Variants in HSPG2 observed in about 807,000 individuals in gnomAD.
HSPG2 encodes basement membrane-specific heparan sulfate proteoglycan core protein.
A neutral mutation model predicts 526.6 loss-of-function variants in HSPG2; 278 were observed. That is an observed-to-expected ratio of 0.53 (90% confidence interval 0.48 to 0.58). The LOEUF (loss-of-function observed/expected upper bound fraction) is 0.58, where lower values mean the gene tolerates loss of function less well. HSPG2 is among the 20% of genes least tolerant of loss of function. The probability of loss-of-function intolerance (pLI) is 0.00; values close to 1 mark genes in which losing one functional copy is unlikely to be tolerated. For synonymous variants in HSPG2, 2,465 were observed against 2,555.4 expected (o/e 0.96, Z 1.07); for missense variants, 5,354 against 6,099.5 (o/e 0.88, Z 4.07).
intron 75 of HSPG2, 68 bp from the exon 76 acceptor site, chr1:21,835,705 TGGGC>T: frequency 8.2e-7 from 1 of 1,214,854 alleles, no homozygotes. Context: ...GCAATTGGGC[TGGGC>T]GTGGTGGCTC....
rs1427600322 is a variant in HSPG2 at position 21,912,904 on chromosome 1, C to T, written c.64-16594G>A. Among the ~76,000 whole-genome samples the T allele has an allele frequency of 6.6e-5, 10 of 151,336 alleles. 1 individual carries two copies. The highest frequency in any genetic ancestry group is 2.4e-4 in the African/African-American group (10 of 41,104). ...CTGAGGCAGGAGAATCACTTGAACC[C>T]GGGAGGCGGAGGTTGCAGTGAGCTG... On this transcript the variant is annotated intron_variant, in intron 1 of 96. Coordinates refer to ENST00000374695, the MANE Select transcript of HSPG2 (RefSeq NM_005529.7).
intron 13 of HSPG2, among the ~76,000 whole-genome samples, chr1:21,884,184 AC>A (rs1023716967): frequency 6.6e-6 from 1 of 151,704 alleles, no homozygotes; most frequent in African/African-American, 2.4e-5. Context: ...ATTATTCCAC[AC>A]CCCCCGACTT....
Position 21,862,107 on chromosome 1 carries a change from C to T in HSPG2, c.4749G>A (p.Gln1583=), listed in dbSNP as rs773098995. 1.9e-5 allele frequency: 30 copies of T among 1,612,650 alleles called. No homozygotes were observed. In the Admixed American group the frequency reaches 2.2e-4, roughly 12 times the overall value. The part of the protein sequence containing the change: ...HPETGACSQC[Q]HNAAGEFCEL... ...CGCAGAACTCCCCTGCGGCGTTGTG[C>T]TGGCATTGCTGCAGGGCACAAGGAG... The change falls in exon 38 of 97, where the codon CAG becomes CAA. Residue 1583 remains glutamine, a synonymous_variant. Transcript: ENST00000374695.
At chr1:21,874,329 G>A (rs1416558223) in intron 28 of HSPG2, 77 bp downstream of exon 28, 32 of 1,576,556 alleles carry the variant, frequency 2.0e-5, no homozygotes, top group East Asian at 2.3e-5. Context: ...TCTCAGAAGG[G>A]CCCTGGATGA....
intron 13 of HSPG2, among the ~76,000 whole-genome samples, chr1:21,882,555 C>T (rs936861237): frequency 7.2e-5 from 11 of 152,076 alleles, no homozygotes; most frequent in South Asian, 4.2e-4. Context: ...CTCTTCATTA[C>T]GGTAGCTGTT....
chr1:21,925,917 C>T (rs1470731016), intron 1 of HSPG2, among the ~76,000 whole-genome samples: 2 of 151,952 alleles, frequency 1.3e-5, no homozygotes, highest in African/African-American at 2.4e-5. Flanking sequence ...GCAGCCTCCG[C>T]CTCCCGGGTT....
chr1:21,842,529 T>C, intron 67 of HSPG2, 149 bp from the exon 68 acceptor site: 2 of 1,057,912 alleles, frequency 1.9e-6, no homozygotes, highest in Non-Finnish European at 1.3e-6. Flanking sequence ...CACAGAATCC[T>C]AGAGGTCCAA....
At chr1:21,907,870 C>G (rs1364785315) in intron 1 of HSPG2, among the ~76,000 whole-genome samples, 1 of 152,186 alleles carries the variant, frequency 6.6e-6, no homozygotes, top group Non-Finnish European at 1.5e-5. Flanking sequence ...TGGTTCAGCC[C>G]TTGGTTAGCT....
At position 21,887,409 on chromosome 1, in the gene HSPG2, C is replaced by A; in HGVS notation, c.958+11G>T. 1 of 1,614,020 alleles carries A rather than the reference C, an allele frequency of 6.2e-7. No homozygotes were observed. Among genetic ancestry groups the A allele is most frequent in the East Asian group, 2.2e-5 (1 of 44,880 alleles). ...CTCCCCGCACCCACCTGCACCCCTG[C>A]CGGTGCGCACCACAGTCTAGCTCAT... On this transcript the variant is annotated intron_variant, in intron 8 of 96. Transcript: ENST00000374695. This position sits in a 1 kb window ranked among gnomAD's most constrained non-coding sequence, Gnocchi z 5.0.
At chr1:21,899,090 G>A (rs1211536211) in intron 1 of HSPG2, among the ~76,000 whole-genome samples, 1 of 152,210 alleles carries the variant, frequency 6.6e-6, no homozygotes, top group Non-Finnish European at 1.5e-5. Context: ...TCCACCAGAG[G>A]ACTCCAGAGC....
chr1:21,890,948 G>A lies in HSPG2; in HGVS notation c.245-254C>T, dbSNP rs569858757. Among the ~76,000 whole-genome samples, 1 of 152,246 alleles carries A rather than the reference G, an allele frequency of 6.6e-6. No individual in the cohort carries two copies. Among genetic ancestry groups the A allele is most frequent in the Non-Finnish European group, 1.5e-5 (1 of 68,042 alleles). ...CCTGATCCAGAAACCAAGTGCTAGT[G>A]CAAAAGAGGAGACCCCCACAGTTCA... On this transcript the variant is annotated intron_variant, in intron 3 of 96. Coordinates refer to ENST00000374695, the MANE Select transcript of HSPG2 (RefSeq NM_005529.7). This position sits in a 1 kb window ranked among gnomAD's most constrained non-coding sequence, Gnocchi z 4.1.
At position 21,855,389 on chromosome 1, in the gene HSPG2, C is replaced by T. The variant is rs747058298; in HGVS notation, c.5912G>A (p.Arg1971His). The change falls in exon 47 of 97, where the codon CGC becomes CAC. Residue 1971 changes from arginine (R) to histidine (H), a missense_variant. By Grantham distance (29) the Arg-to-His change is conservative. Transcript: ENST00000374695. ...SPERTQVHAG[R>H]TVRLYCRAAG... is the part of the protein sequence containing the mutation. Reference sequence around the variant, plus strand: ...AGCCCTGCAGTACAGCCTGACGGTGCGGCCTGCGTGGACCTGGGTCCTCTC... The same window carrying T: ...AGCCCTGCAGTACAGCCTGACGGTGTGGCCTGCGTGGACCTGGGTCCTCTC... 101 of 1,612,728 alleles carry T rather than the reference C, an allele frequency of 6.3e-5. No homozygotes were observed. Among genetic ancestry groups the T allele is most frequent in the South Asian group, 1.2e-4 (11 of 90,786 alleles).
chr1:21,879,981 A>G, intron 17 of HSPG2, 126 bp downstream of exon 17: 2 of 1,141,036 alleles, frequency 1.8e-6, no homozygotes, highest in Non-Finnish European at 2.6e-6. Context: ...TCCAGAGGTC[A>G]TGATAGTTCA....
intron 27 of HSPG2, 23 bp from the exon 28 acceptor site, chr1:21,874,556 G>A (rs775527474): frequency 2.5e-6 from 4 of 1,613,862 alleles, no homozygotes; most frequent in South Asian, 1.1e-5. Context: ...GATGTGAGTT[G>A]AGGCTGGGCC....
chr1:21,888,591 C>T (rs1642121608), intron 6 of HSPG2: 7 of 1,109,284 alleles, frequency 6.3e-6, no homozygotes, highest in Non-Finnish European at 8.5e-6. Context: ...CAGGCGTGAG[C>T]CCCTGCACCC....
At chr1:21,921,872 C>T (rs751493306) in intron 1 of HSPG2, among the ~76,000 whole-genome samples, 4 of 152,126 alleles carry the variant, frequency 2.6e-5, no homozygotes, top group African/African-American at 7.2e-5. Flanking sequence ...ACAGAGCCTT[C>T]GGCCCCCTGC....
chr1:21,878,344 T>C (rs756192761), intron 20 of HSPG2, 89 bp downstream of exon 20: 6 of 1,572,034 alleles, frequency 3.8e-6, no homozygotes, highest in Non-Finnish European at 5.2e-6. Flanking sequence ...CCAAGGTTCA[T>C]GAGCTGGGGC....
rs2098028215 is a variant in HSPG2 at position 21,836,833 on chromosome 1, G to A, written c.10324C>T (p.Pro3442Ser). The change falls in exon 75 of 97, where the codon CCG (proline) becomes TCG (serine). Residue 3442 changes from proline (P) to serine (S), a missense_variant. By Grantham distance (74) the Pro-to-Ser change is moderately conservative. Transcript: ENST00000374695. ...ACCCCATCCTGCACGCTGTGACCCG[G>A]AGGCAGCTGACCCCCTTCCTTGAAC... ...RWFKEGGQLPPGHSVQDGVLR... is the reference protein window; with the variant it reads ...RWFKEGGQLPSGHSVQDGVLR... 6.3e-7 allele frequency: 1 copy of A among 1,577,498 alleles called. No homozygotes were observed. The highest frequency in any genetic ancestry group is 8.6e-7 in the Non-Finnish European group (1 of 1,163,442).
chr1:21,829,470 T>G lies in HSPG2; in HGVS notation c.11905A>C (p.Ser3969Arg). 6.2e-7 allele frequency: 1 copy of G among 1,613,352 alleles called. No homozygotes were observed. The change falls in exon 87 of 97, where the codon AGC becomes CGC. Residue 3969 changes from serine to arginine, a missense_variant. By Grantham distance (110) the Ser-to-Arg change is moderately radical. Transcript: ENST00000374695. ...PLAPDGVLLF[S>R]GGKSGPVEDF... ...TCCACAGGCCCGCTCTTCCCCCCGCTGAACAGCAGGACCCCGTCAGGGGCG... is the reference window on the plus strand; with the variant it reads ...TCCACAGGCCCGCTCTTCCCCCCGCGGAACAGCAGGACCCCGTCAGGGGCG...
Sources: gnomAD v4.1 joint callset for allele counts (sites outside exome capture counted in the v4.1 genomes callset) on GRCh38, gnomAD v4.1.1 for gene constraint, Gnocchi (gnomAD v3.1) non-coding constraint, MANE v1.5 for transcripts, NCBI Gene and HGNC (gene_info 2026-07-23, HGNC 2026-07-21) for gene names.